The following PRKCA variants were observed in gnomAD, a reference collection of about 807,000 sequenced individuals.
The protein encoded by PRKCA is protein kinase C alpha type.
Under a neutral mutation model 87.0 loss-of-function variants are expected in PRKCA, and 27 were observed. The ratio of observed to expected loss-of-function variants is 0.31; its 90% CI spans 0.23 to 0.43. PRKCA has a LOEUF of 0.43. PRKCA is among the 20% of genes least tolerant of loss of function. The pLI is 1.00. For missense variants in PRKCA, 518 were observed against 852.3 expected (o/e 0.61, Z 4.88); for synonymous variants, 329 against 311.1 (o/e 1.06, Z -0.61).
At chr17:66,312,512 C>T (rs770186842) in intron 2 of PRKCA, among the ~76,000 whole-genome samples, 9 of 152,168 alleles carry the variant, frequency 5.9e-5, no homozygotes, top group Non-Finnish European at 1.2e-4. Context: ...CTCTTAAAGT[C>T]TCCTGCCTGA....
intron 2 of PRKCA, among the ~76,000 whole-genome samples, chr17:66,319,264 G>A (rs1156565234): frequency 6.6e-6 from 1 of 152,140 alleles, no homozygotes; most frequent in Non-Finnish European, 1.5e-5. Flanking sequence ...TATGACAATT[G>A]AAGTATATTG....
chr17:66,716,519 A>G (rs1397782877), intron 8 of PRKCA, among the ~76,000 whole-genome samples: 1 of 152,124 alleles, frequency 6.6e-6, no homozygotes, highest in African/African-American at 2.4e-5. Context: ...ATCCTCATGT[A>G]AGCCTGGAGA....
chr17:66,677,094 T>TATTTATTTATTTATTG (rs1251679534), intron 5 of PRKCA: 1 of 152,136 alleles, frequency 6.6e-6, no homozygotes, highest in East Asian at 1.9e-4. Context: ...TTTATTTATT[T>TATTTATTTATTTATTG]ATTGAGACTG....
chr17:66,527,236 G>A lies in PRKCA; in HGVS notation c.288+30953G>A, dbSNP rs975322801. On this transcript the variant is annotated intron_variant, in intron 3 of 16. Coordinates refer to ENST00000413366, the MANE Select transcript of PRKCA (RefSeq NM_002737.3). ...CCCATACCCGCCCCAGTTCCTTTTAGGATTTTCCTACTGTGCTTTGCATTC... is the reference window on the plus strand; with the variant it reads ...CCCATACCCGCCCCAGTTCCTTTTAAGATTTTCCTACTGTGCTTTGCATTC... Among the ~76,000 whole-genome samples the A allele has an allele frequency of 2.0e-4, 29 of 145,044 alleles. 1 individual carries two copies. The highest frequency in any genetic ancestry group is 5.5e-4 in the African/African-American group (22 of 40,338).
At chr17:66,709,562 G>C (rs970425155) in intron 8 of PRKCA, among the ~76,000 whole-genome samples, 2 of 151,926 alleles carry the variant, frequency 1.3e-5, no homozygotes, top group South Asian at 2.1e-4. Flanking sequence ...ACCCACCTCA[G>C]CCTCCCAAAG....
intron 2 of PRKCA, among the ~76,000 whole-genome samples, chr17:66,468,709 A>AGGAGGGT (rs1325788657): frequency 1.3e-5 from 2 of 152,108 alleles, no homozygotes; most frequent in Non-Finnish European, 2.9e-5. Context: ...GGACTTCTGA[A>AGGAGGGT]GGAGGGTGGA....
At chr17:66,762,966 T>G (rs1974719698) in intron 13 of PRKCA, among the ~76,000 whole-genome samples, 1 of 152,164 alleles carries the variant, frequency 6.6e-6, no homozygotes, top group Non-Finnish European at 1.5e-5. Context: ...GATTTTTGTA[T>G]TTTTAGTAGA....
At chr17:66,609,657 C>T (rs936226682) in intron 3 of PRKCA, among the ~76,000 whole-genome samples, 2 of 150,382 alleles carry the variant, frequency 1.3e-5, no homozygotes, top group Non-Finnish European at 3.0e-5. Flanking sequence ...CGAGAGTCAA[C>T]GTGAGGAGGA....
At chr17:66,767,127 C>G (rs1051034099) in intron 13 of PRKCA, among the ~76,000 whole-genome samples, 5 of 152,114 alleles carry the variant, frequency 3.3e-5, no homozygotes, top group African/African-American at 9.7e-5. Flanking sequence ...TGGCTTTGAG[C>G]AAGTCTTTAA....
At chr17:66,762,938 G>T (rs1974718943) in intron 13 of PRKCA, among the ~76,000 whole-genome samples, 1 of 152,164 alleles carries the variant, frequency 6.6e-6, no homozygotes, top group Admixed American at 6.5e-5. Flanking sequence ...TCACAGGCAT[G>T]TGCCACCACG....
chr17:66,574,965 G>A (rs1026487528), intron 3 of PRKCA, among the ~76,000 whole-genome samples: 1 of 152,142 alleles, frequency 6.6e-6, no homozygotes, highest in Non-Finnish European at 1.5e-5. Flanking sequence ...TTAGCAATCT[G>A]GGCATATGAA....
At chr17:66,425,318 A>T (rs1912741168) in intron 2 of PRKCA, among the ~76,000 whole-genome samples, 1 of 151,890 alleles carries the variant, frequency 6.6e-6, no homozygotes, top group African/African-American at 2.4e-5. Context: ...ACAACCACCG[A>T]GCCCTCTGAC....
intron 3 of PRKCA, among the ~76,000 whole-genome samples, chr17:66,623,701 A>G (rs79102562): frequency 0.033 from 5,088 of 152,284 alleles, 268 homozygotes; most frequent in African/African-American, 0.11. Context: ...AAATGGAATA[A>G]GAAAGATAAA....
intron 1 of PRKCA, among the ~76,000 whole-genome samples, chr17:66,304,381 G>A (rs1354198146): frequency 6.6e-6 from 1 of 152,202 alleles, no homozygotes; most frequent in Non-Finnish European, 1.5e-5. Context: ...AGCAGCAGTA[G>A]TTTGGTTTTT....
intron 3 of PRKCA, among the ~76,000 whole-genome samples, chr17:66,636,891 G>C (rs935000415): frequency 6.6e-6 from 1 of 152,146 alleles, no homozygotes; most frequent in Non-Finnish European, 1.5e-5. Flanking sequence ...AGACTCTCTT[G>C]TTCTAAACAA....
chr17:66,703,834 CAAT>C (rs1369779769), intron 8 of PRKCA: 1 of 151,476 alleles, frequency 6.6e-6, no homozygotes, highest in East Asian at 1.9e-4. Context: ...CTTAAGATAA[CAAT>C]AAAAATATAG....
chr17:66,560,856 G>C (rs1264285795), intron 3 of PRKCA, among the ~76,000 whole-genome samples: 2 of 152,202 alleles, frequency 1.3e-5, no homozygotes, highest in Non-Finnish European at 2.9e-5. Flanking sequence ...ACGGGGCTCT[G>C]AGGAGTTGGA....
rs975100469 is a variant in PRKCA at position 66,302,953 on chromosome 17, G to A, written c.102G>A (p.Val34=). 1.2e-6 allele frequency: 2 copies of A among 1,612,680 alleles called. No individual in the cohort carries two copies. The highest frequency in any genetic ancestry group is 2.7e-5 in the African/African-American group (2 of 74,776). Residue 34 remains valine, a synonymous_variant, in exon 1 of 17, where the codon GTG becomes GTA. Transcript: ENST00000413366. Reference sequence around the variant, plus strand: ...TGAGGCAGAAGAACGTGCACGAGGTGAAGGACCACAAATTCATCGCGCGCT... The same window carrying A: ...TGAGGCAGAAGAACGTGCACGAGGTAAAGGACCACAAATTCATCGCGCGCT... ...GALRQKNVHE[V]KDHKFIARFF...
chr17:66,460,078 G>A, intron 2 of PRKCA, among the ~76,000 whole-genome samples: 1 of 152,266 alleles, frequency 6.6e-6, no homozygotes, highest in South Asian at 2.1e-4. Flanking sequence ...TGCCCACACA[G>A]CTTTTGAAAT....
Sources: allele counts gnomAD v4.1 joint callset (sites outside exome capture counted in the v4.1 genomes callset), GRCh38; gene constraint gnomAD v4.1.1; transcripts MANE v1.5; gene names NCBI Gene and HGNC (gene_info 2026-07-23, HGNC 2026-07-21).